The following FNDC3B variants were observed in gnomAD, a reference collection of about 807,000 sequenced individuals.
FNDC3B encodes fibronectin type III domain containing 3B.
Under a neutral mutation model 151.5 loss-of-function variants are expected in FNDC3B, and 12 were observed. The observed-to-expected ratio is 0.08, with a 90% CI of 0.05 to 0.13. The LOEUF is 0.13. Ranked by LOEUF, FNDC3B falls within the 10% of genes least tolerant of loss-of-function variation. The pLI is 1.00. For missense variants in FNDC3B, 1,214 were observed against 1,505.3 expected (o/e 0.81, Z 3.20); for synonymous variants, 528 against 549.0 (o/e 0.96, Z 0.54).
At chr3:172,129,202 T>C (rs1390476509) in intron 2 of FNDC3B, among the ~76,000 whole-genome samples, 1 of 152,186 alleles carries the variant, frequency 6.6e-6, no homozygotes, top group Non-Finnish European at 1.5e-5. Flanking sequence ...GAACTCCTGG[T>C]CTCAAGTGAT....
At chr3:172,279,337 C>T (rs1184773387) in intron 6 of FNDC3B, among the ~76,000 whole-genome samples, 1 of 152,212 alleles carries the variant, frequency 6.6e-6, no homozygotes, top group Non-Finnish European at 1.5e-5. Context: ...CTCTCCTGTC[C>T]AGCTGGGCAC....
intron 13 of FNDC3B, among the ~76,000 whole-genome samples, chr3:172,331,686 C>A (rs1732677672): frequency 6.6e-6 from 1 of 152,040 alleles, no homozygotes; most frequent in South Asian, 2.1e-4. Context: ...TTTAAACACA[C>A]CGTGTGTGCT....
chr3:172,320,554 G>GTGTTCCTCTTTAT (rs1462996190), intron 11 of FNDC3B, among the ~76,000 whole-genome samples: 1 of 152,138 alleles, frequency 6.6e-6, no homozygotes, highest in African/African-American at 2.4e-5. Context: ...TTATAAAGAG[G>GTGTTCCTCTTTAT]AACAGGAAGT....
chr3:172,177,450 G>T (rs9873641), intron 3 of FNDC3B, among the ~76,000 whole-genome samples: 16,594 of 152,060 alleles, frequency 0.11, 1,186 homozygotes, highest in African/African-American at 0.19. Flanking sequence ...TATGAATGTG[G>T]TAGCTCAATC....
chr3:172,346,544 G>C, intron 20 of FNDC3B, 104 bp downstream of exon 20: 1 of 324,508 alleles, frequency 3.1e-6, no homozygotes, highest in Non-Finnish European at 5.5e-6. Context: ...ACATATAGAT[G>C]ATTTTTTTTT....
intron 6 of FNDC3B, among the ~76,000 whole-genome samples, chr3:172,282,231 T>C (rs1729769035): frequency 6.6e-6 from 1 of 152,224 alleles, no homozygotes; most frequent in Non-Finnish European, 1.5e-5. Flanking sequence ...GCAAATTGTG[T>C]CCCTGGGTTT....
chr3:172,327,463 C>T (rs1248712206), intron 11 of FNDC3B, among the ~76,000 whole-genome samples: 2 of 152,130 alleles, frequency 1.3e-5, no homozygotes, highest in Non-Finnish European at 2.9e-5. Flanking sequence ...TGCAGTGGCG[C>T]GATCTCGGCT....
At chr3:172,086,895 T>C (rs753715843) in intron 1 of FNDC3B, among the ~76,000 whole-genome samples, 1 of 152,222 alleles carries the variant, frequency 6.6e-6, no homozygotes, top group Non-Finnish European at 1.5e-5. Flanking sequence ...TGTATTAGCA[T>C]GTAGCAGAGT....
intron 11 of FNDC3B, among the ~76,000 whole-genome samples, chr3:172,321,112 G>C (rs1041783070): frequency 4.6e-5 from 7 of 152,206 alleles, no homozygotes; most frequent in Admixed American, 6.5e-5. Context: ...TTTGTAAACA[G>C]ATACCCAGAG....
At chr3:172,242,613 A>G (rs62281796) in intron 4 of FNDC3B, among the ~76,000 whole-genome samples, 22,608 of 152,142 alleles carry the variant, frequency 0.15, 1,825 homozygotes, top group African/African-American at 0.21. Context: ...GATGCAGGGC[A>G]CCAAGTCCTT....
chr3:172,045,627 T>A (rs77374925), intron 1 of FNDC3B, among the ~76,000 whole-genome samples: 5,739 of 152,292 alleles, frequency 0.038, 252 homozygotes, highest in African/African-American at 0.098. Flanking sequence ...CCTTTTCTTC[T>A]TGTTAACGAG....
At chr3:172,245,527 T>G (rs923875526) in intron 4 of FNDC3B, among the ~76,000 whole-genome samples, 3 of 152,192 alleles carry the variant, frequency 2.0e-5, no homozygotes, top group African/African-American at 7.2e-5. Flanking sequence ...AATGCATGTT[T>G]GTGTCAGATC....
intron 23 of FNDC3B, among the ~76,000 whole-genome samples, chr3:172,370,077 T>C (rs1348169103): frequency 6.6e-6 from 1 of 152,208 alleles, no homozygotes; most frequent in Admixed American, 6.5e-5. Flanking sequence ...CAGGTTATTT[T>C]AGGTCAGCAG....
intron 4 of FNDC3B, among the ~76,000 whole-genome samples, chr3:172,244,490 A>G (rs1294638998): frequency 6.6e-6 from 1 of 152,136 alleles, no homozygotes; most frequent in Non-Finnish European, 1.5e-5. Context: ...ACTTAGGCAT[A>G]ATTTCCTTAG....
chr3:172,109,222 G>A (rs145813888), intron 1 of FNDC3B, among the ~76,000 whole-genome samples: 4,278 of 149,526 alleles, frequency 0.029, 185 homozygotes, highest in African/African-American at 0.092. Context: ...CTGGAGTGCA[G>A]TGGTGGGATC....
intron 17 of FNDC3B, among the ~76,000 whole-genome samples, chr3:172,342,117 T>A (rs1270314393): frequency 1.3e-5 from 2 of 152,222 alleles, no homozygotes; most frequent in African/African-American, 2.4e-5. Flanking sequence ...GGCCTAACTT[T>A]TCTAGTCAAC....
In FNDC3B at chr3:172,251,408, A is replaced by G. The variant is rs1450099821; in HGVS notation, c.657A>G (p.Thr219=). Residue 219 remains threonine, a synonymous_variant, in exon 6 of 26, where the codon ACA becomes ACG. Transcript: ENST00000415807. The part of the protein sequence containing the change: ...PPSSIYKSSC[T]TVYNGYGKGH... ...CTTCTATCTACAAAAGCAGCTGCAC[A>G]ACAGTATACAATGGCTATGGGAAGG... 1.9e-6 allele frequency: 3 copies of G among 1,613,998 alleles called. No homozygotes were observed. Among genetic ancestry groups the G allele is most frequent in the Non-Finnish European group, 2.5e-6 (3 of 1,180,008 alleles).
chr3:172,186,516 C>T (rs550090748), intron 3 of FNDC3B, among the ~76,000 whole-genome samples: 1 of 152,180 alleles, frequency 6.6e-6, no homozygotes, highest in Admixed American at 6.5e-5. Context: ...CTACATAAAC[C>T]TGAGCTGAGG....
intron 3 of FNDC3B, among the ~76,000 whole-genome samples, chr3:172,218,746 G>A (rs1162787277): frequency 3.3e-5 from 5 of 152,182 alleles, no homozygotes; most frequent in Non-Finnish European, 7.3e-5. Flanking sequence ...ATGCTAGAAT[G>A]TGATGGAGTC....
Sources: allele counts gnomAD v4.1 joint callset (sites outside exome capture counted in the v4.1 genomes callset), GRCh38; gene constraint gnomAD v4.1.1; transcripts MANE v1.5; gene names NCBI Gene and HGNC (gene_info 2026-07-23, HGNC 2026-07-21).